The following ZNF679 variants were observed in gnomAD, a reference collection of about 807,000 sequenced individuals.
ZNF679 encodes zinc finger protein 679, also known as hypothetical protein MGC42415.
Under a neutral mutation model 13.4 loss-of-function variants are expected in ZNF679, and 10 were observed. That is an observed-to-expected ratio of 0.75 (90% confidence interval 0.46 to 1.27). The LOEUF (loss-of-function observed/expected upper bound fraction) is 1.27, where lower values mean the gene tolerates loss of function less well. Ranked by LOEUF, ZNF679 falls within the 50% of genes most tolerant of loss-of-function variation. The pLI, the probability that ZNF679 is intolerant of heterozygous loss-of-function variation, is 0.00. For synonymous variants in ZNF679, 179 were observed against 162.5 expected, an observed-to-expected ratio of 1.10 and a Z score of -0.77; for missense variants, 525 against 477.8, an observed-to-expected ratio of 1.10 and a Z score of -0.92.
intron 1 of ZNF679, among the ~76,000 whole-genome samples, chr7:64,229,357 G>A (rs1466310774): frequency 2.6e-5 from 4 of 152,096 alleles, no homozygotes; most frequent in African/African-American, 4.8e-5. Context: ...GTGAGACAAC[G>A]TCTCTTCTAT....
intron 1 of ZNF679, among the ~76,000 whole-genome samples, chr7:64,248,566 C>T (rs1787898989): frequency 6.6e-6 from 1 of 152,114 alleles, no homozygotes; most frequent in South Asian, 2.1e-4. Flanking sequence ...AGGCCTGAGC[C>T]CCCACGCCTG....
At chr7:64,252,583 G>A (rs1411917997) in intron 2 of ZNF679, among the ~76,000 whole-genome samples, 1 of 152,206 alleles carries the variant, frequency 6.6e-6, no homozygotes, top group East Asian at 1.9e-4. Flanking sequence ...CATTATGGCT[G>A]TCGGAAATGA....
chr7:64,260,512 T>G (rs1326438071), intron 3 of ZNF679, among the ~76,000 whole-genome samples, 165 bp downstream of exon 3: 14 of 152,218 alleles, frequency 9.2e-5, no homozygotes, highest in Admixed American at 9.2e-4. Context: ...TGTTTTATCT[T>G]GACCTGAACT....
At chr7:64,258,996 C>T (rs1788041038) in intron 2 of ZNF679, among the ~76,000 whole-genome samples, 1 of 152,082 alleles carries the variant, frequency 6.6e-6, no homozygotes, top group South Asian at 2.1e-4. Context: ...ACTGCAACCT[C>T]CGCCTTGTGG....
At chr7:64,238,745 A>G (rs1379712526) in intron 1 of ZNF679, among the ~76,000 whole-genome samples, 1 of 152,180 alleles carries the variant, frequency 6.6e-6, no homozygotes, top group Non-Finnish European at 1.5e-5. Flanking sequence ...ATTTTATTTG[A>G]CAATATCTGA....
intron 1 of ZNF679, among the ~76,000 whole-genome samples, chr7:64,230,072 A>T (rs1419819853): frequency 1.3e-5 from 2 of 152,232 alleles, no homozygotes; most frequent in Non-Finnish European, 2.9e-5. Context: ...GCGATATGTT[A>T]CAATTCTTAC....
intron 1 of ZNF679, among the ~76,000 whole-genome samples, chr7:64,239,873 T>C (rs2116516099): frequency 6.6e-6 from 1 of 152,296 alleles, no homozygotes; most frequent in Non-Finnish European, 1.5e-5. Context: ...CCTGGAACTG[T>C]TTTACAGTTC....
chr7:64,264,929 C>A (rs1300690820), intron 4 of ZNF679, among the ~76,000 whole-genome samples: 3 of 151,024 alleles, frequency 2.0e-5, no homozygotes, highest in Non-Finnish European at 4.4e-5. Flanking sequence ...TTTTTTAATT[C>A]CATGATTGTT....
At chr7:64,235,652 G>A (rs1037064239) in intron 1 of ZNF679, among the ~76,000 whole-genome samples, 3 of 151,992 alleles carry the variant, frequency 2.0e-5, no homozygotes, top group Admixed American at 6.6e-5. Context: ...AGCCAGGCAC[G>A]GTGGCACAAG....
At chr7:64,229,666 C>G (rs1416516839) in intron 1 of ZNF679, among the ~76,000 whole-genome samples, 2 of 152,058 alleles carry the variant, frequency 1.3e-5, no homozygotes, top group Admixed American at 1.3e-4. Flanking sequence ...TTCCTGTGAC[C>G]TTTTATAAGG....
At chr7:64,235,417 G>C (rs1787695694) in intron 1 of ZNF679, among the ~76,000 whole-genome samples, 1 of 150,298 alleles carries the variant, frequency 6.7e-6, no homozygotes, top group Non-Finnish European at 1.5e-5. Context: ...AAAAGGAAAA[G>C]ATGTCAAATA....
At chr7:64,243,445 C>A (rs1584228729) in intron 1 of ZNF679, among the ~76,000 whole-genome samples, 1 of 152,252 alleles carries the variant, frequency 6.6e-6, no homozygotes, top group East Asian at 1.9e-4. Context: ...TAAACATGTT[C>A]CAGGTAGACG....
At chr7:64,262,439 T>C (rs549040281) in intron 4 of ZNF679, among the ~76,000 whole-genome samples, 1 of 152,370 alleles carries the variant, frequency 6.6e-6, no homozygotes, top group East Asian at 1.9e-4. Context: ...ATATTTTTTT[T>C]CTAAGAATTT....
intron 4 of ZNF679, among the ~76,000 whole-genome samples, chr7:64,263,477 C>G (rs955112210): frequency 2.0e-5 from 3 of 152,174 alleles, no homozygotes; most frequent in African/African-American, 7.2e-5. Flanking sequence ...TTGCTTTTGA[C>G]TGGAGAGCTC....
intron 1 of ZNF679, among the ~76,000 whole-genome samples, chr7:64,246,542 G>A (rs1787872732): frequency 6.6e-6 from 1 of 152,084 alleles, no homozygotes; most frequent in African/African-American, 2.4e-5. Flanking sequence ...GGCCAACATG[G>A]TGAAACCCCA....
intron 4 of ZNF679, among the ~76,000 whole-genome samples, chr7:64,263,540 C>T (rs1788105110): frequency 6.6e-6 from 1 of 152,088 alleles, no homozygotes; most frequent in Non-Finnish European, 1.5e-5. Context: ...GGATGTGGGG[C>T]CTAATGAGAG....
chr7:64,246,400 C>T (rs924251392), intron 1 of ZNF679, among the ~76,000 whole-genome samples: 1 of 152,110 alleles, frequency 6.6e-6, no homozygotes, highest in South Asian at 2.1e-4. Flanking sequence ...CAATCCAGAA[C>T]CGAAGAGTGG....
intron 1 of ZNF679, among the ~76,000 whole-genome samples, chr7:64,234,920 C>T (rs544558336): frequency 5.3e-4 from 80 of 152,268 alleles, no homozygotes; most frequent in African/African-American, 1.7e-3. Context: ...TCACTGAAAC[C>T]TCTACCTCCA....
Position 64,245,217 on chromosome 7 carries a change from G to T in ZNF679, c.-90-3811G>T, listed in dbSNP as rs567398964. 7.9e-5 allele frequency among the ~76,000 whole-genome samples: 12 copies of T among 152,248 alleles called. 1 individual carries two copies. The South Asian group carries it at 2.5e-3, about 32-fold the overall frequency. On this transcript the variant is annotated intron_variant, in intron 1 of 4. Coordinates refer to ENST00000421025, the MANE Select transcript of ZNF679 (RefSeq NM_153363.3). ...ATTTTTGTATTTTTAGTAGAGACAAGGTTTTGCCATGTTGGCCAGGCTGGT... is the reference window on the plus strand; with the variant it reads ...ATTTTTGTATTTTTAGTAGAGACAATGTTTTGCCATGTTGGCCAGGCTGGT...
Sources: gnomAD v4.1 joint callset for allele counts (sites outside exome capture counted in the v4.1 genomes callset) on GRCh38, gnomAD v4.1.1 for gene constraint, MANE v1.5 for transcripts, NCBI Gene and HGNC (gene_info 2026-07-23, HGNC 2026-07-21) for gene names.